The following HOXC5 variants were observed in gnomAD, a reference collection of about 807,000 sequenced individuals.
HOXC5 encodes homeobox protein Hox-C5.
HOXC5 carries 19 observed loss-of-function variants against 20.1 expected under a neutral mutation model. The observed-to-expected ratio is 0.94, with a 90% CI of 0.66 to 1.38. The LOEUF (loss-of-function observed/expected upper bound fraction) is 1.38. Among genes scored for constraint, HOXC5 ranks in the 40% most tolerant of loss-of-function variants. The probability of loss-of-function intolerance (pLI) is 0.00; values close to 1 mark genes in which losing one functional copy is unlikely to be tolerated. For missense variants in HOXC5, 330 were observed against 300.1 expected (o/e 1.10, Z -0.74); for synonymous variants, 124 against 117.0 (o/e 1.06, Z -0.39).
the HOXC5 span, among the ~76,000 whole-genome samples, chr12:54,023,222 G>A: frequency 6.6e-6 from 1 of 152,222 alleles, no homozygotes; most frequent in East Asian, 1.9e-4. Context: ...TTTTCCAGAT[G>A]GAGCTGGAAG....
rs1325833003 is a variant in HOXC5, at chr12:54,033,237, TG to T, written c.116del (p.Cys39SerfsTer7). 2 of 1,614,222 alleles carry T rather than the reference TG, an allele frequency of 1.2e-6. No individual in the cohort carries two copies. The highest frequency in any genetic ancestry group is 3.3e-5 in the Admixed American group (2 of 60,030). ...CTCAGAGGTGCAGGCATCCAGGTAC[TG>T]CTACGGCGGATTGGACTTAAGCATC... ...SASEVQASRY[C>X]YGGLDLSITF... On this transcript the variant is annotated frameshift_variant, in exon 1 of 2. Transcript: ENST00000312492. LOFTEE classifies it high-confidence loss of function.
In HOXC5 at chr12:54,034,282, G is replaced by C. The variant is rs1302086958; in HGVS notation, c.459G>C (p.Thr153=). 1.2e-6 allele frequency: 2 copies of C among 1,613,406 alleles called. No homozygotes were observed. Among genetic ancestry groups the C allele is most frequent in the East Asian group, 2.2e-5 (1 of 44,870 alleles). ...GGGGTGGGGTTTATGTTCCAGAGAC[G>C]GACGGCAAGCGGTCCCGAACCAGTT... ...WMTKLHMSHE[T]DGKRSRTSYT... is the part of the protein sequence containing the mutation. The change falls in exon 2 of 2, where the codon ACG becomes ACC. Residue 153 remains threonine, a synonymous_variant. Coordinates refer to ENST00000312492, the MANE Select transcript of HOXC5 (RefSeq NM_018953.4).
At chr12:54,027,218 G>A in the HOXC5 span, among the ~76,000 whole-genome samples, 1 of 152,182 alleles carries the variant, frequency 6.6e-6, no homozygotes, top group South Asian at 2.1e-4. Flanking sequence ...TAAAATGGGC[G>A]TTGAGGTTGC....
chr12:54,029,350 AT>A (rs1416280010), upstream of HOXC5, among the ~76,000 whole-genome samples: 1 of 149,016 alleles, frequency 6.7e-6, no homozygotes, highest in African/African-American at 2.5e-5. Flanking sequence ...ATTATCTGGG[AT>A]TTTTCAAAAA....
chr12:54,029,660 G>A, upstream of HOXC5: 1 of 1,611,188 alleles, frequency 6.2e-7, no homozygotes, highest in Non-Finnish European at 8.5e-7. Context: ...TTTAGGGGTC[G>A]GCTACGGAGC....
the HOXC5 span, among the ~76,000 whole-genome samples, chr12:54,023,360 A>G: frequency 6.6e-6 from 1 of 152,248 alleles, no homozygotes; most frequent in Admixed American, 6.5e-5. Flanking sequence ...TGCTGATGGT[A>G]GCAGCAATAA....
Position 54,033,361 on chromosome 12 carries a change from CCGCTCCGGGACA to C in HOXC5, c.249_260del (p.His84_Gly87del). The C allele has an allele frequency of 1.2e-6, 2 of 1,612,820 alleles. No homozygotes were observed. The highest frequency in any genetic ancestry group is 1.7e-6 in the Non-Finnish European group (2 of 1,179,402). ...GACCGCCCCGCCTGCAGCGCCGCGG[CCGCTCCGGGACA>C]CGCTCCGGGCAGAGACGAAGCGGCT... On this transcript the variant is annotated inframe_deletion, in exon 1 of 2. Transcript: ENST00000312492.
At chr12:54,034,049 AG>A (rs1480678807) in intron 1 of HOXC5, 1 of 701,226 alleles carries the variant, frequency 1.4e-6, no homozygotes, top group Admixed American at 2.0e-5. Context: ...ACCCCCCCTC[AG>A]CCCCTCCGGC....
At chr12:54,025,371 T>A in the HOXC5 span, among the ~76,000 whole-genome samples, 1 of 151,990 alleles carries the variant, frequency 6.6e-6, no homozygotes, top group African/African-American at 2.4e-5. Context: ...TAACATGAAA[T>A]GGGAAAAAGA....
upstream of HOXC5, chr12:54,029,865 C>T (rs148638675): frequency 2.0e-4 from 320 of 1,613,628 alleles, no homozygotes; most frequent in Non-Finnish European, 2.5e-4. Context: ...AATCTCACAT[C>T]CACTCTCTCG....
chr12:54,033,530 C>T lies in HOXC5; in HGVS notation c.408C>T (p.Ala136=), dbSNP rs1017717478. ...GQPAGLSQPP[A]PPQIYPWMTK... The stretch of plus-strand genomic sequence containing the variant: ...CCGCCGGACTGAGCCAGCCACCGGC[C>T]CCGCCACAGATTTACCCGTGGATGA... Residue 136 remains alanine (A), a synonymous_variant, in exon 1 of 2, where the codon GCC becomes GCT. Coordinates refer to ENST00000312492, the MANE Select transcript of HOXC5 (RefSeq NM_018953.4). 6 of 1,593,972 alleles carry T rather than the reference C, an allele frequency of 3.8e-6. No homozygotes were observed. Among genetic ancestry groups the T allele is most frequent in the South Asian group, 2.2e-5 (2 of 89,332 alleles).
At chr12:54,029,257 T>C (rs1940874513), upstream of HOXC5, among the ~76,000 whole-genome samples, 1 of 151,964 alleles carries the variant, frequency 6.6e-6, no homozygotes, top group Non-Finnish European at 1.5e-5. Flanking sequence ...GAGAGGCAGA[T>C]AAGTGGGGAG....
the HOXC5 span, among the ~76,000 whole-genome samples, chr12:54,027,700 TC>T: frequency 1.3e-5 from 2 of 151,994 alleles, no homozygotes; most frequent in African/African-American, 4.8e-5. Context: ...AACAGAGGGG[TC>T]CTGAGAAGGA....
the HOXC5 span, among the ~76,000 whole-genome samples, chr12:54,023,255 G>A: frequency 1.2e-4 from 19 of 152,338 alleles, no homozygotes; most frequent in African/African-American, 4.3e-4. Context: ...TGAGCGTGAT[G>A]GGGTAGAGAT....
the HOXC5 span, chr12:54,020,869 C>G: frequency 6.6e-6 from 1 of 152,224 alleles, no homozygotes; most frequent in African/African-American, 2.4e-5. Flanking sequence ...TGGGGAAATA[C>G]TAAATCCCTT....
At chr12:54,031,561 C>T (rs559945818), upstream of HOXC5, among the ~76,000 whole-genome samples, 5 of 152,356 alleles carry the variant, frequency 3.3e-5, no homozygotes, top group East Asian at 3.9e-4. Context: ...TTTATCAACC[C>T]TGGCCTTCTC....
At chr12:54,019,061 C>A in the HOXC5 span, among the ~76,000 whole-genome samples, 1 of 151,466 alleles carries the variant, frequency 6.6e-6, no homozygotes, top group African/African-American at 2.4e-5. Context: ...CCCCTCCCCC[C>A]ACAACCCCCT....
the HOXC5 span, chr12:54,021,373 G>T: frequency 6.6e-6 from 1 of 152,286 alleles, no homozygotes; most frequent in Non-Finnish European, 1.5e-5. Context: ...CGGGCAGCAC[G>T]GGAGAGGACG....
rs1565746784 is a variant in HOXC5, at chr12:54,034,605, G to A, written c.*113G>A. 6.0e-6 allele frequency: 5 copies of A among 839,488 alleles called. No individual in the cohort carries two copies. The highest frequency in any genetic ancestry group is 5.1e-5 in the Admixed American group (2 of 39,310). The allele number at this position is 839,488 out of a possible 1,614,324, so 52.0% of individuals were successfully genotyped here. A position where few individuals can be genotyped will look rare whatever the true frequency, so the allele number is the denominator to read the frequency against. On this transcript the variant is annotated 3_prime_UTR_variant, in exon 2 of 2. Coordinates refer to ENST00000312492, the MANE Select transcript of HOXC5 (RefSeq NM_018953.4). The stretch of plus-strand genomic sequence containing the variant: ...GTCGGGGGCAGGTGCTGGAGCACTG[G>A]GCTCCCGGGCCCCACAGACAAAAGC...
Sources: gnomAD v4.1 joint callset for allele counts (sites outside exome capture counted in the v4.1 genomes callset) on GRCh38, gnomAD v4.1.1 for gene constraint, MANE v1.5 for transcripts, NCBI Gene and HGNC (gene_info 2026-07-23, HGNC 2026-07-21) for gene names.